Variants in PDHX observed in about 807,000 individuals in gnomAD.
PDHX encodes pyruvate dehydrogenase protein X component, mitochondrial.
PDHX carries 33 observed loss-of-function variants against 55.3 expected under a neutral mutation model. The ratio of observed to expected loss-of-function variants is 0.60; its 90% CI spans 0.45 to 0.80. PDHX has a LOEUF of 0.80. PDHX is among the 30% of genes least tolerant of loss of function. The pLI is 0.00. For missense variants in PDHX, 622 were observed against 619.9 expected, an observed-to-expected ratio of 1.00 and a Z score of -0.04; for synonymous variants, 226 against 219.4, an observed-to-expected ratio of 1.03 and a Z score of -0.27.
chr11:34,989,549 G>T (rs896357728), intron 9 of PDHX, among the ~76,000 whole-genome samples: 1 of 152,128 alleles, frequency 6.6e-6, no homozygotes, highest in African/African-American at 2.4e-5. Flanking sequence ...GGCAGGAGTA[G>T]TCTTTTTGAA....
chr11:34,992,175 GAA>G (rs1855770262), intron 9 of PDHX, 138 bp from the exon 10 acceptor site: 1 of 600,488 alleles, frequency 1.7e-6, no homozygotes, highest in Admixed American at 2.8e-5. Context: ...TATAATTAGA[GAA>G]AATTATTTTT....
At chr11:34,940,453 T>C (rs1340927174) in intron 2 of PDHX, among the ~76,000 whole-genome samples, 1 of 152,266 alleles carries the variant, frequency 6.6e-6, no homozygotes, top group East Asian at 1.9e-4. Context: ...GGTTCCGTTA[T>C]TTCTGGCAAT....
chr11:34,936,802 TTTTC>T (rs796666492), intron 2 of PDHX, among the ~76,000 whole-genome samples: 2 of 129,156 alleles, frequency 1.5e-5, no homozygotes, highest in African/African-American at 5.9e-5. Flanking sequence ...TTTTTTTTTT[TTTTC>T]TGAGACAGAG....
At chr11:34,994,351 A>G (rs989479901) in intron 10 of PDHX, among the ~76,000 whole-genome samples, 21 of 152,238 alleles carry the variant, frequency 1.4e-4, no homozygotes, top group African/African-American at 4.8e-4. Context: ...AAAATGTAAA[A>G]AGTAAAACAT....
intron 2 of PDHX, among the ~76,000 whole-genome samples, chr11:34,933,099 G>C (rs1054012786): frequency 1.3e-5 from 2 of 152,304 alleles, no homozygotes; most frequent in African/African-American, 2.4e-5. Context: ...GGAACCGTGT[G>C]GGGGAGAAAC....
At chr11:34,926,751 A>C (rs1365173804) in intron 1 of PDHX, among the ~76,000 whole-genome samples, 1 of 152,106 alleles carries the variant, frequency 6.6e-6, no homozygotes, top group East Asian at 1.9e-4. Flanking sequence ...AGTTTGCTGA[A>C]GTATGAGCAT....
chr11:34,940,462 A>T (rs996564930), intron 2 of PDHX, among the ~76,000 whole-genome samples: 18 of 152,204 alleles, frequency 1.2e-4, no homozygotes, highest in Non-Finnish European at 2.1e-4. Context: ...ATTTCTGGCA[A>T]TATGTATATG....
intron 3 of PDHX, among the ~76,000 whole-genome samples, chr11:34,957,002 A>G (rs577016048): frequency 3.9e-4 from 59 of 152,376 alleles, no homozygotes; most frequent in African/African-American, 1.4e-3. Context: ...AAGCCATTGC[A>G]TAGAAACTCT....
rs544287125 is a variant in PDHX, at chr11:34,995,744, A to G, written c.*572A>G. 1.3e-3 allele frequency: 198 copies of G among 155,550 alleles called. No individual in the cohort carries two copies. The Middle Eastern group carries it at 0.013, about 11-fold the overall frequency. 9.6% of individuals were successfully genotyped at this position (155,550 alleles called of 1,614,324 possible). ...CAACATTATTGAATTTTTTATGTAC[A>G]TAAAGCCATATGTTTAGGGTGGTTT... On this transcript the variant is annotated 3_prime_UTR_variant, in exon 11 of 11. Transcript: ENST00000227868.
At chr11:34,978,753 A>G (rs903285410) in intron 8 of PDHX, among the ~76,000 whole-genome samples, 2 of 152,106 alleles carry the variant, frequency 1.3e-5, no homozygotes. Context: ...TGTGCCTAGT[A>G]TGGAGAGGTG....
At chr11:34,940,128 A>G (rs1223732271) in intron 2 of PDHX, among the ~76,000 whole-genome samples, 1 of 152,128 alleles carries the variant, frequency 6.6e-6, no homozygotes, top group East Asian at 1.9e-4. Context: ...TCCTCAGAAT[A>G]TTTGAGATTT....
chr11:34,917,971 A>G (rs1175043076), intron 1 of PDHX, among the ~76,000 whole-genome samples: 2 of 152,210 alleles, frequency 1.3e-5, no homozygotes, highest in Non-Finnish European at 1.5e-5. Context: ...TTATTTTGAC[A>G]TTTAATGGAA....
intron 1 of PDHX, among the ~76,000 whole-genome samples, chr11:34,922,863 GT>G (rs1440944071): frequency 2.2e-5 from 2 of 91,198 alleles, no homozygotes; most frequent in Non-Finnish European, 4.3e-5. Flanking sequence ...CCAAAGTATC[GT>G]TGTGTGTGTG....
intron 3 of PDHX, among the ~76,000 whole-genome samples, chr11:34,952,946 T>A (rs10742330): frequency 2.0e-5 from 3 of 150,720 alleles, no homozygotes; most frequent in Non-Finnish European, 4.4e-5. Flanking sequence ...AAAACCCCAT[T>A]GTCTCAGCCC....
intron 3 of PDHX, among the ~76,000 whole-genome samples, chr11:34,950,280 C>T (rs906861789): frequency 6.6e-6 from 1 of 151,578 alleles, no homozygotes; most frequent in African/African-American, 2.4e-5. Flanking sequence ...AGAAAATAGC[C>T]TCTCAGAGCT....
At chr11:34,938,203 A>G (rs1854382531) in intron 2 of PDHX, among the ~76,000 whole-genome samples, 1 of 152,244 alleles carries the variant, frequency 6.6e-6, no homozygotes, top group Non-Finnish European at 1.5e-5. Context: ...AGCACTGGAA[A>G]ATATGAAAGA....
chr11:34,921,815 T>C (rs372535266), intron 1 of PDHX, among the ~76,000 whole-genome samples: 2 of 152,206 alleles, frequency 1.3e-5, no homozygotes, highest in South Asian at 2.1e-4. Context: ...ATGTTTACCT[T>C]GTTTTAAAGG....
intron 1 of PDHX, among the ~76,000 whole-genome samples, chr11:34,930,736 G>C (rs1239880713): frequency 6.6e-6 from 1 of 152,152 alleles, no homozygotes; most frequent in Non-Finnish European, 1.5e-5. Context: ...GTTTCATTGG[G>C]AGATCATTCT....
At chr11:34,937,442 C>CTTTTT (rs36061427) in intron 2 of PDHX, among the ~76,000 whole-genome samples, 1 of 134,580 alleles carries the variant, frequency 7.4e-6, no homozygotes, top group African/African-American at 2.8e-5. Flanking sequence ...GAGTTGCTGA[C>CTTTTT]TTTTTTTTTT....
Sources: allele counts gnomAD v4.1 joint callset (sites outside exome capture counted in the v4.1 genomes callset), GRCh38; gene constraint gnomAD v4.1.1; transcripts MANE v1.5; gene names NCBI Gene and HGNC (gene_info 2026-07-23, HGNC 2026-07-21).